TMEM132B: variants seen among roughly 807,000 people sequenced by gnomAD.
TMEM132B encodes the protein transmembrane protein 132B.
Under a neutral mutation model 90.8 loss-of-function variants are expected in TMEM132B, and 18 were observed. That is an observed-to-expected ratio of 0.20 (90% CI 0.14 to 0.29). The LOEUF (loss-of-function observed/expected upper bound fraction) is 0.29. Among genes scored for constraint, TMEM132B ranks in the 10% least tolerant of loss-of-function variants. The pLI is 1.00. For missense variants in TMEM132B, 1,096 were observed against 1,326.8 expected, an observed-to-expected ratio of 0.83 and a Z score of 2.70; for synonymous variants, 504 against 523.3, an observed-to-expected ratio of 0.96 and a Z score of 0.50.
chr12:125,243,110 C>CAT (rs199761706), intron 1 of TMEM132B, among the ~76,000 whole-genome samples: 15 of 138,870 alleles, frequency 1.1e-4, no homozygotes, highest in Admixed American at 1.0e-3. Flanking sequence ...TATATATACA[C>CAT]ATATATATAT....
At chr12:125,350,913 G>C (rs1877551722) in intron 2 of TMEM132B, among the ~76,000 whole-genome samples, 1 of 152,220 alleles carries the variant, frequency 6.6e-6, no homozygotes, top group Non-Finnish European at 1.5e-5. Flanking sequence ...GCCATGCTGA[G>C]CTTTCTTAAG....
rs182205881 is a variant in TMEM132B at position 125,519,161 on chromosome 12, A to T, written c.1107-278A>T. Among the ~76,000 whole-genome samples the T allele has an allele frequency of 2.0e-5, 3 of 152,290 alleles. No individual in the cohort carries two copies. In the East Asian group the frequency reaches 5.8e-4, roughly 29 times the overall value. ...TGGGGAGGGGAGAGCTGTGCGTGGC[A>T]TGCGAAGAGGTGAAATGCTGACCGA... On this transcript the variant is annotated intron_variant, in intron 3 of 8. Transcript: ENST00000682704.
chr12:125,583,771 G>T (rs1301116307), intron 4 of TMEM132B, 80 bp from the exon 5 acceptor site: 5 of 1,524,156 alleles, frequency 3.3e-6, no homozygotes, highest in Non-Finnish European at 4.5e-6. Context: ...AGGCAGTAGG[G>T]AGCTTGGTGG....
chr12:125,384,050 G>A (rs1466604289), intron 2 of TMEM132B, among the ~76,000 whole-genome samples: 3 of 152,046 alleles, frequency 2.0e-5, no homozygotes, highest in Admixed American at 6.6e-5. Flanking sequence ...GGGTTCAAGC[G>A]ATTCTCCTGC....
chr12:125,606,816 G>C (rs1055916651), intron 5 of TMEM132B, among the ~76,000 whole-genome samples: 1 of 152,178 alleles, frequency 6.6e-6, no homozygotes, highest in African/African-American at 2.4e-5. Context: ...GGTGCTACTC[G>C]GCCTTAAATT....
chr12:125,378,565 G>A (rs572529520), intron 2 of TMEM132B, among the ~76,000 whole-genome samples: 1 of 152,330 alleles, frequency 6.6e-6, no homozygotes, highest in South Asian at 2.1e-4. Flanking sequence ...ATTCCAAGAA[G>A]CAAGATGGCA....
chr12:125,372,801 C>T (rs1001740236), intron 2 of TMEM132B, among the ~76,000 whole-genome samples: 1 of 152,126 alleles, frequency 6.6e-6, no homozygotes. Context: ...GACGGACCAC[C>T]CACCCCACCG....
chr12:125,293,652 T>C (rs1345794905), intron 1 of TMEM132B, among the ~76,000 whole-genome samples: 2 of 152,252 alleles, frequency 1.3e-5, no homozygotes, highest in South Asian at 2.1e-4. Context: ...GGCTATGTAA[T>C]ATTCCATGGT....
intron 1 of TMEM132B, among the ~76,000 whole-genome samples, chr12:125,255,331 CTGTA>C (rs1157269750): frequency 6.6e-6 from 1 of 151,954 alleles, no homozygotes; most frequent in Non-Finnish European, 1.5e-5. Context: ...CTCTCTTTCT[CTGTA>C]TGTGGGCGCG....
At chr12:125,432,528 T>TATATATATATATAG (rs1458075923) in intron 3 of TMEM132B, among the ~76,000 whole-genome samples, 4 of 39,124 alleles carry the variant, frequency 1.0e-4, no homozygotes, top group African/African-American at 5.0e-4. Context: ...TATATATATA[T>TATATATATATATAG]AGAGAGAGAG....
chr12:125,265,224 T>C (rs1288077152), intron 1 of TMEM132B, among the ~76,000 whole-genome samples: 2 of 152,180 alleles, frequency 1.3e-5, no homozygotes, highest in African/African-American at 2.4e-5. Context: ...GTAGATATAG[T>C]ATTCCCCGCT....
intron 3 of TMEM132B, among the ~76,000 whole-genome samples, chr12:125,457,107 G>A (rs1881312001): frequency 1.3e-5 from 2 of 152,140 alleles, no homozygotes; most frequent in South Asian, 4.1e-4. Context: ...TCATTCTGTG[G>A]CTCAGGGGGG....
At chr12:125,486,844 G>T (rs1882217978) in intron 3 of TMEM132B, among the ~76,000 whole-genome samples, 1 of 152,222 alleles carries the variant, frequency 6.6e-6, no homozygotes, top group South Asian at 2.1e-4. Flanking sequence ...TAGAGCCATT[G>T]TTGATAGATG....
At chr12:125,392,820 A>G (rs1315493127) in intron 2 of TMEM132B, among the ~76,000 whole-genome samples, 1 of 152,210 alleles carries the variant, frequency 6.6e-6, no homozygotes, top group African/African-American at 2.4e-5. Context: ...TGCATGAGGA[A>G]CACCTGAGGT....
chr12:125,586,652 C>A (rs1885185671), intron 5 of TMEM132B: 2 of 152,216 alleles, frequency 1.3e-5, no homozygotes, highest in Admixed American at 1.3e-4. Flanking sequence ...GCTGTAGATA[C>A]CACCCACCTC....
intron 1 of TMEM132B, among the ~76,000 whole-genome samples, chr12:125,291,870 G>A (rs776724113): frequency 2.6e-5 from 4 of 152,282 alleles, no homozygotes; most frequent in African/African-American, 4.8e-5. Context: ...CATCAGCACC[G>A]TCTATCTCTA....
chr12:125,444,031 A>G (rs1880941997), intron 3 of TMEM132B, among the ~76,000 whole-genome samples: 1 of 152,084 alleles, frequency 6.6e-6, no homozygotes, highest in Non-Finnish European at 1.5e-5. Flanking sequence ...AAGGAAGTGT[A>G]GTTTCTTAAC....
chr12:125,641,555 A>T (rs960543896), intron 5 of TMEM132B, among the ~76,000 whole-genome samples: 3 of 152,234 alleles, frequency 2.0e-5, no homozygotes, highest in Non-Finnish European at 4.4e-5. Context: ...GAAAAAACTC[A>T]AAAGATAGTC....
intron 4 of TMEM132B, among the ~76,000 whole-genome samples, chr12:125,541,705 C>T (rs1456796987): frequency 6.7e-6 from 1 of 149,512 alleles, no homozygotes; most frequent in Non-Finnish European, 1.5e-5. Flanking sequence ...TAGACAGATG[C>T]AACCCTGTGA....
Sources: allele counts gnomAD v4.1 joint callset (sites outside exome capture counted in the v4.1 genomes callset), GRCh38; gene constraint gnomAD v4.1.1; transcripts MANE v1.5; gene names NCBI Gene and HGNC (gene_info 2026-07-23, HGNC 2026-07-21).